Variants in LYPD8 observed in about 807,000 individuals in gnomAD.
LYPD8 encodes the protein ly6/PLAUR domain-containing protein 8.
A neutral mutation model predicts 1.7 loss-of-function variants in LYPD8; 8 were observed. That is an observed-to-expected ratio of 4.58 (90% CI 2.69 to 8.27). LYPD8 has a LOEUF of 8.27. Among genes scored for constraint, LYPD8 ranks in the 30% most tolerant of loss-of-function variants. The probability of loss-of-function intolerance (pLI) is 0.00; values close to 1 mark genes in which losing one functional copy is unlikely to be tolerated. For synonymous variants in LYPD8, 50 were observed against 43.6 expected, an observed-to-expected ratio of 1.15 and a Z score of -0.58; for missense variants, 112 against 102.3, an observed-to-expected ratio of 1.09 and a Z score of -0.41.
chr1:248,744,114 G>A (rs1339526652), intron 6 of LYPD8, among the ~76,000 whole-genome samples: 1 of 152,220 alleles, frequency 6.6e-6, no homozygotes, highest in Non-Finnish European at 1.5e-5. Context: ...GAGGGCCTGA[G>A]ATCACAAGGT....
chr1:248,742,111 G>T (rs542608214), intron 6 of LYPD8, among the ~76,000 whole-genome samples: 1 of 152,232 alleles, frequency 6.6e-6, no homozygotes, highest in Non-Finnish European at 1.5e-5. Flanking sequence ...TCAACTTTGG[G>T]TGAGGCTGTA....
chr1:248,749,832 C>T (rs1469028864), intron 4 of LYPD8, among the ~76,000 whole-genome samples: 3 of 151,466 alleles, frequency 2.0e-5, no homozygotes, highest in African/African-American at 7.3e-5. Flanking sequence ...AGAAAATGAC[C>T]GATGACATGT....
chr1:248,743,505 A>G (rs560887289), intron 6 of LYPD8, among the ~76,000 whole-genome samples: 1 of 152,238 alleles, frequency 6.6e-6, no homozygotes, highest in South Asian at 2.1e-4. Flanking sequence ...GAGGTTCAGG[A>G]TAAGCATGGT....
chr1:248,752,814 C>CAACACACA, intron 2 of LYPD8, among the ~76,000 whole-genome samples: 1 of 116,058 alleles, frequency 8.6e-6, no homozygotes, highest in Admixed American at 8.2e-5. Flanking sequence ...ACAACACACA[C>CAACACACA]ACATCACATC....
intron 6 of LYPD8, among the ~76,000 whole-genome samples, chr1:248,743,337 T>G (rs1553283731): frequency 6.6e-6 from 1 of 152,028 alleles, no homozygotes; most frequent in African/African-American, 2.4e-5. Context: ...TGGTGGCACA[T>G]GTGTATAATC....
At chr1:248,742,671 C>T (rs868964106) in intron 6 of LYPD8, among the ~76,000 whole-genome samples, 1 of 43,966 alleles carries the variant, frequency 2.3e-5, no homozygotes, top group African/African-American at 1.1e-4. Context: ...TGTTGGCAGC[C>T]GGGGAGATTA....
At chr1:248,751,370 T>C (rs1662799358) in intron 2 of LYPD8, among the ~76,000 whole-genome samples, 1 of 152,196 alleles carries the variant, frequency 6.6e-6, no homozygotes, top group Non-Finnish European at 1.5e-5. Flanking sequence ...CAGGGGCCAT[T>C]TCCCGTGGAG....
At chr1:248,753,084 CACACT>C (rs1662848019) in intron 2 of LYPD8, among the ~76,000 whole-genome samples, 6 of 110,382 alleles carry the variant, frequency 5.4e-5, no homozygotes, top group South Asian at 3.3e-4. Context: ...CACCCCACAC[CACACT>C]ACACACACAC....
chr1:248,744,424 C>G (rs1041224112), intron 6 of LYPD8, among the ~76,000 whole-genome samples: 10 of 152,220 alleles, frequency 6.6e-5, no homozygotes, highest in Admixed American at 3.3e-4. Context: ...CTTACCTTAA[C>G]TAATAAATGT....
chr1:248,751,860 A>C (rs1488210663), intron 2 of LYPD8, among the ~76,000 whole-genome samples: 3 of 152,206 alleles, frequency 2.0e-5, no homozygotes, highest in Non-Finnish European at 2.9e-5. Flanking sequence ...TCCCCCATGC[A>C]CTTCCAAATA....
intron 6 of LYPD8, among the ~76,000 whole-genome samples, chr1:248,741,659 T>A (rs1485469935): frequency 6.6e-6 from 1 of 152,220 alleles, no homozygotes; most frequent in Non-Finnish European, 1.5e-5. Flanking sequence ...TCAAGTCCTA[T>A]GAGAAAGAGG....
intron 2 of LYPD8, among the ~76,000 whole-genome samples, chr1:248,751,783 A>G (rs1335880625): frequency 2.6e-5 from 4 of 152,054 alleles, no homozygotes; most frequent in Admixed American, 6.6e-5. Context: ...CCGCCAGCCC[A>G]CACTCCCTTC....
At chr1:248,746,531 C>T (rs1662728661) in intron 5 of LYPD8, among the ~76,000 whole-genome samples, 4 of 152,180 alleles carry the variant, frequency 2.6e-5, no homozygotes, top group African/African-American at 9.7e-5. Context: ...GCTGAGAGGA[C>T]ACAGGAAGGC....
chr1:248,753,741 C>T, intron 2 of LYPD8, among the ~76,000 whole-genome samples: 1 of 137,210 alleles, frequency 7.3e-6, no homozygotes, highest in African/African-American at 2.7e-5. Context: ...CACACCACAG[C>T]CCCCACACAA....
intron 4 of LYPD8, among the ~76,000 whole-genome samples, chr1:248,748,981 A>T (rs1572155139): frequency 6.6e-6 from 1 of 152,272 alleles, no homozygotes; most frequent in Admixed American, 6.5e-5. Context: ...TCAAGTGCTC[A>T]GTAGCCATAT....
chr1:248,754,983 G>GGATGA (rs1310547854), intron 2 of LYPD8, among the ~76,000 whole-genome samples: 1 of 151,964 alleles, frequency 6.6e-6, no homozygotes, highest in Non-Finnish European at 1.5e-5. Context: ...GGAAAGGAGA[G>GGATGA]GATGAGATGA....
At chr1:248,753,129 A>T (rs1343148305) in intron 2 of LYPD8, among the ~76,000 whole-genome samples, 4 of 58,020 alleles carry the variant, frequency 6.9e-5, no homozygotes, top group Non-Finnish European at 7.3e-5. Context: ...ACACAACACA[A>T]CACACACACC....
intron 6 of LYPD8, among the ~76,000 whole-genome samples, chr1:248,744,927 G>C (rs910105887): frequency 6.6e-6 from 1 of 152,158 alleles, no homozygotes; most frequent in Non-Finnish European, 1.5e-5. Flanking sequence ...TCAAGGGAAG[G>C]GTAGCCCAGG....
At chr1:248,743,961 T>C (rs926575522) in intron 6 of LYPD8, among the ~76,000 whole-genome samples, 11 of 152,182 alleles carry the variant, frequency 7.2e-5, no homozygotes, top group Admixed American at 1.3e-4. Context: ...GCTTTGGAGG[T>C]TGTTCTTTAA....
Sources: allele counts gnomAD v4.1 joint callset (sites outside exome capture counted in the v4.1 genomes callset), GRCh38; gene constraint gnomAD v4.1.1; transcripts MANE v1.5; gene names NCBI Gene and HGNC (gene_info 2026-07-23, HGNC 2026-07-21).